Variants in FSHR observed in about 807,000 individuals in gnomAD.
The protein encoded by FSHR is follicle stimulating hormone receptor.
In FSHR, 46 loss-of-function variants were observed where a neutral mutation model predicts 52.1. The observed-to-expected ratio is 0.88, with a 90% confidence interval of 0.70 to 1.13. FSHR has a LOEUF of 1.13. FSHR is among the 50% of genes most tolerant of loss of function. FSHR has a pLI of 0.00. For missense variants in FSHR, 964 were observed against 834.6 expected (o/e 1.16, Z -1.91); for synonymous variants, 399 against 309.6 (o/e 1.29, Z -3.03).
intron 4 of FSHR, chr2:49,014,941 G>A (rs1173987610): frequency 2.1e-6 from 1 of 469,504 alleles, no homozygotes; most frequent in Admixed American, 2.4e-5. Flanking sequence ...CAAAAGAAGA[G>A]AAGGATCTGG....
chr2:49,051,658 G>C (rs1668861668), intron 2 of FSHR, among the ~76,000 whole-genome samples: 2 of 151,792 alleles, frequency 1.3e-5, no homozygotes, highest in African/African-American at 2.4e-5. Context: ...TCTTGATGGT[G>C]TCTTTTTTTA....
Position 48,962,932 on chromosome 2 carries a change from G to A in FSHR, c.1889C>T (p.Thr630Ile). Residue 630 changes from threonine (T) to isoleucine (I), a missense_variant, in exon 10 of 10, where the codon ACC becomes ATC. Physicochemically the swap from Thr to Ile is moderately conservative, Grantham distance 89. Coordinates refer to ENST00000406846, the MANE Select transcript of FSHR (RefSeq NM_000145.4). ...GAAGAAATCTCTGCGAAAGTTTTTG[G>A]TAAAGATGGCATAGAGGAAGGGGTT... Reference protein sequence around the residue: ...CANPFLYAIFTKNFRRDFFIL... With the variant: ...CANPFLYAIFIKNFRRDFFIL... 6.2e-7 allele frequency: 1 copy of A among 1,614,132 alleles called. No homozygotes were observed. Among genetic ancestry groups the A allele is most frequent in the Non-Finnish European group, 8.5e-7 (1 of 1,180,008 alleles).
At position 48,963,145 on chromosome 2, in the gene FSHR, G is replaced by A. The variant is rs1020301126; in HGVS notation, c.1676C>T (p.Pro559Leu). ...YIHIYLTVRN[P>L]NIVSSSSDTR... ...GTCACTAGAGGAGGACACGATGTTG[G>A]GGTTCCGCACTGTGAGGTAGATGTG... Residue 559 changes from proline to leucine, a missense_variant, in exon 10 of 10, where the codon CCC becomes CTC. Pro to Leu is a moderately conservative substitution (Grantham distance 98). Transcript: ENST00000406846. 6.2e-7 allele frequency: 1 copy of A among 1,614,094 alleles called. No individual in the cohort carries two copies. The highest frequency in any genetic ancestry group is 2.2e-5 in the East Asian group (1 of 44,864).
At chr2:49,126,187 T>C (rs1032365958) in intron 1 of FSHR, among the ~76,000 whole-genome samples, 1 of 152,096 alleles carries the variant, frequency 6.6e-6, no homozygotes, top group Admixed American at 6.6e-5. Context: ...GAACAGAGGT[T>C]TATTTGTTAC....
At chr2:49,003,958 C>G (rs1018272071) in intron 4 of FSHR, among the ~76,000 whole-genome samples, 2 of 152,140 alleles carry the variant, frequency 1.3e-5, no homozygotes, top group African/African-American at 4.8e-5. Flanking sequence ...CTAAAAGGGT[C>G]TCTAAGGACA....
At chr2:49,125,619 T>A (rs1254395112) in intron 1 of FSHR, among the ~76,000 whole-genome samples, 1 of 152,260 alleles carries the variant, frequency 6.6e-6, no homozygotes, top group African/African-American at 2.4e-5. Context: ...ATTTGTTGAA[T>A]TCACGAATGA....
chr2:49,087,790 A>G (rs1051576296), intron 1 of FSHR, among the ~76,000 whole-genome samples: 1 of 152,204 alleles, frequency 6.6e-6, no homozygotes, highest in East Asian at 1.9e-4. Flanking sequence ...CAAATTATTT[A>G]TTGAACATCT....
chr2:48,983,900 T>C (rs1195914358), intron 6 of FSHR, among the ~76,000 whole-genome samples: 1 of 152,114 alleles, frequency 6.6e-6, no homozygotes, highest in Admixed American at 6.5e-5. Context: ...CAGGGTTCCC[T>C]GGACAGGGGA....
chr2:48,997,194 G>T (rs1676061683), intron 4 of FSHR: 1 of 980,158 alleles, frequency 1.0e-6, no homozygotes, highest in African/African-American at 1.8e-5. Flanking sequence ...CAGAGTCTCA[G>T]TTTCTCTCTG....
chr2:48,985,697 G>GTTTTTTTTTTTT lies in FSHR; in HGVS notation c.525-2543_525-2532dup, dbSNP rs70946839. Among the ~76,000 whole-genome samples the GTTTTTTTTTTTT allele has an allele frequency of 1.9e-4, 19 of 99,540 alleles. 8 individuals carry two copies. Among genetic ancestry groups the GTTTTTTTTTTTT allele is most frequent in the Admixed American group, 4.8e-4 (4 of 8,400 alleles). The allele number at this position is 99,540 out of a possible 152,430, so 65.3% of individuals were successfully genotyped here. A position where few individuals can be genotyped will look rare whatever the true frequency, so the allele number is the denominator to read the frequency against. On this transcript the variant is annotated intron_variant, in intron 6 of 9. Coordinates refer to ENST00000406846, the MANE Select transcript of FSHR (RefSeq NM_000145.4). ...TTCAGTTTCAGGGGAGCAAGTACAG[G>GTTTTTTTTTTTT]TTTTTTTTTTTTTTTTTTTTTTTTT...
chr2:49,127,786 T>TCTTCTC (rs1672073613), intron 1 of FSHR, among the ~76,000 whole-genome samples: 2 of 51,924 alleles, frequency 3.9e-5, no homozygotes, highest in Non-Finnish European at 7.0e-5. Context: ...TTCTTCTTCT[T>TCTTCTC]CTTCTTCTTC....
At chr2:49,140,977 G>C (rs1413314694) in intron 1 of FSHR, among the ~76,000 whole-genome samples, 2 of 152,166 alleles carry the variant, frequency 1.3e-5, no homozygotes, top group Admixed American at 1.3e-4. Flanking sequence ...AACCTGCTGA[G>C]AGTCAGTTAC....
chr2:49,052,430 C>G (rs1189758153), intron 2 of FSHR, among the ~76,000 whole-genome samples: 2 of 152,164 alleles, frequency 1.3e-5, no homozygotes, highest in Non-Finnish European at 2.9e-5. Context: ...ACCTCAGTGG[C>G]TTTCAATTTT....
intron 2 of FSHR, among the ~76,000 whole-genome samples, chr2:49,067,369 A>G (rs1415069706): frequency 6.6e-6 from 1 of 152,154 alleles, no homozygotes; most frequent in Non-Finnish European, 1.5e-5. Context: ...AGAACCAAAA[A>G]GATAAAGTTA....
intron 2 of FSHR, among the ~76,000 whole-genome samples, chr2:49,021,829 G>GTTTT (rs1306009434): frequency 6.7e-5 from 6 of 89,538 alleles, no homozygotes; most frequent in East Asian, 4.9e-4. Flanking sequence ...TGGGGTATGT[G>GTTTT]TTTCTCTCTC....
chr2:48,968,749 C>A lies in FSHR; in HGVS notation c.803G>T (p.Ser268Ile), dbSNP rs1057524255. Residue 268 changes from serine (S) to isoleucine (I), a missense_variant, in exon 9 of 10, where the codon AGC becomes ATC. Transcript: ENST00000406846. ...ACAGCAATGGCTGGGATAGGTGAGG[C>A]TGGCTTCCATGAGGGCGACAAGCTT... is the stretch of plus-strand genomic sequence containing the variant. ...LEKLVALMEA[S>I]LTYPSHCCAF... 12 of 1,614,014 alleles carry A rather than the reference C, an allele frequency of 7.4e-6. No homozygotes were observed. Among genetic ancestry groups the A allele is most frequent in the Non-Finnish European group, 9.3e-6 (11 of 1,180,016 alleles).
At chr2:49,034,665 AATT>A in intron 2 of FSHR, among the ~76,000 whole-genome samples, 1 of 152,262 alleles carries the variant, frequency 6.6e-6, no homozygotes, top group South Asian at 2.1e-4. Flanking sequence ...GAATGATTAG[AATT>A]ATTATTATCC....
At chr2:49,054,346 C>T in intron 2 of FSHR, among the ~76,000 whole-genome samples, 1 of 152,128 alleles carries the variant, frequency 6.6e-6, no homozygotes, top group East Asian at 1.9e-4. Context: ...GCTAAGCAAC[C>T]TTGCACCCAC....
In FSHR at chr2:48,998,624, G is replaced by A. The variant is rs536147058; in HGVS notation, c.375-7987C>T. Among the ~76,000 whole-genome samples, 24 of 152,078 alleles carry A rather than the reference G, an allele frequency of 1.6e-4. No individual in the cohort carries two copies. The South Asian group carries it at 4.8e-3, about 30-fold the overall frequency. ...TTTTACAACAGTATTTGCATAAAAG[G>A]GGTATAAACACTAAGTATGATGACT... On this transcript the variant is annotated intron_variant, in intron 4 of 9. Coordinates refer to ENST00000406846, the MANE Select transcript of FSHR (RefSeq NM_000145.4).
Sources: gnomAD v4.1 joint callset for allele counts (sites outside exome capture counted in the v4.1 genomes callset) on GRCh38, gnomAD v4.1.1 for gene constraint, MANE v1.5 for transcripts, NCBI Gene and HGNC (gene_info 2026-07-23, HGNC 2026-07-21) for gene names.